The following KAZN variants were observed in gnomAD, a reference collection of about 807,000 sequenced individuals.
KAZN encodes kazrin, periplakin interacting protein.
A neutral mutation model predicts 87.4 loss-of-function variants in KAZN; 40 were observed. The ratio of observed to expected loss-of-function variants is 0.46; its 90% CI spans 0.36 to 0.60. The LOEUF is 0.60. Among genes scored for constraint, KAZN ranks in the 20% least tolerant of loss-of-function variants. The probability of loss-of-function intolerance (pLI) is 0.00; values close to 1 mark genes in which losing one functional copy is unlikely to be tolerated. For missense variants in KAZN, 898 were observed against 1,073.9 expected (o/e 0.84, Z 2.29); for synonymous variants, 466 against 458.3 (o/e 1.02, Z -0.22).
At chr1:14,845,533 AGGTGGATGGATGCATAGATGGGTG>A (rs1648638626) in intron 1 of KAZN, among the ~76,000 whole-genome samples, 2 of 136,482 alleles carry the variant, frequency 1.5e-5, no homozygotes, top group Admixed American at 7.3e-5. Context: ...ATGGGTAAGT[AGGTGGATGGATGCATAGATGGGTG>A]GGTGGATGGA....
intron 2 of KAZN, among the ~76,000 whole-genome samples, chr1:14,455,141 A>C (rs1032945448): frequency 1.3e-5 from 2 of 152,222 alleles, no homozygotes; most frequent in Non-Finnish European, 2.9e-5. Context: ...ATGACATCGC[A>C]ATGTGGGAGG....
At chr1:14,076,626 CCAGATGTCCTCTG>C (rs1643470776) in intron 1 of KAZN, among the ~76,000 whole-genome samples, 1 of 152,134 alleles carries the variant, frequency 6.6e-6, no homozygotes, top group Non-Finnish European at 1.5e-5. Flanking sequence ...CCAGATATGG[CCAGATGTCCTCTG>C]CAGGGCAAAA....
At chr1:15,035,583 C>A (rs951277328) in intron 3 of KAZN, among the ~76,000 whole-genome samples, 1 of 152,184 alleles carries the variant, frequency 6.6e-6, no homozygotes, top group African/African-American at 2.4e-5. Flanking sequence ...CACGGTGGCT[C>A]ACACCTGTAA....
intron 1 of KAZN, among the ~76,000 whole-genome samples, chr1:14,027,708 G>A (rs895439732): frequency 2.0e-5 from 3 of 152,154 alleles, no homozygotes; most frequent in African/African-American, 7.2e-5. Flanking sequence ...AATAAAAAAT[G>A]TAGCCAAAAT....
upstream of KAZN, among the ~76,000 whole-genome samples, chr1:14,598,015 C>G (rs1676618621): frequency 6.6e-6 from 1 of 152,222 alleles, no homozygotes; most frequent in Non-Finnish European, 1.5e-5. This position sits in a 1 kb window ranked among gnomAD's most constrained non-coding sequence, Gnocchi z 4.2. Flanking sequence ...TCAACCTCAT[C>G]TCTGTCCCCG....
chr1:13,934,923 G>T (rs1178695209), intron 1 of KAZN, among the ~76,000 whole-genome samples: 1 of 152,096 alleles, frequency 6.6e-6, no homozygotes, highest in African/African-American at 2.4e-5. Flanking sequence ...GAGATGAAAT[G>T]AAATTGAATT....
upstream of KAZN, among the ~76,000 whole-genome samples, chr1:14,596,665 T>G (rs1383228315): frequency 2.0e-5 from 3 of 152,372 alleles, no homozygotes; most frequent in East Asian, 5.8e-4. Context: ...ATGGATTTAT[T>G]TATTCTGGAT....
intron 2 of KAZN, among the ~76,000 whole-genome samples, chr1:15,031,587 G>GTTGTGTTGTGTTGTA (rs1671708400): frequency 2.0e-5 from 3 of 149,770 alleles, no homozygotes; most frequent in Admixed American, 2.0e-4. Context: ...GTTGTGTTGT[G>GTTGTGTTGTGTTGTA]TTGTGTTGTG....
chr1:14,534,104 G>T (rs183615584), intron 2 of KAZN, among the ~76,000 whole-genome samples: 1 of 152,042 alleles, frequency 6.6e-6, no homozygotes, highest in African/African-American at 2.4e-5. Context: ...GACCAAGGAC[G>T]GAGGTGCATC....
At chr1:14,574,390 G>A (rs1003184060) in intron 2 of KAZN, among the ~76,000 whole-genome samples, 2 of 152,158 alleles carry the variant, frequency 1.3e-5, no homozygotes, top group African/African-American at 2.4e-5. Flanking sequence ...TAATTCCCAC[G>A]TGTTGTGGGA....
chr1:14,021,256 GA>G (rs1182029954), intron 1 of KAZN, among the ~76,000 whole-genome samples: 1 of 152,166 alleles, frequency 6.6e-6, no homozygotes, highest in African/African-American at 2.4e-5. Context: ...CACGGTGGGG[GA>G]AAGTCCTCCC....
chr1:15,043,665 A>G (rs1447267445), intron 3 of KAZN, among the ~76,000 whole-genome samples: 3 of 114,276 alleles, frequency 2.6e-5, no homozygotes, highest in Non-Finnish European at 5.1e-5. Context: ...TTTTTTTGAG[A>G]CAGAGTCTCG....
chr1:13,973,269 G>A (rs1371847890), intron 1 of KAZN, among the ~76,000 whole-genome samples: 1 of 152,066 alleles, frequency 6.6e-6, no homozygotes, highest in African/African-American at 2.4e-5. Flanking sequence ...CACTGTGCTG[G>A]GTATTTCCCC....
At chr1:14,071,110 G>A (rs1002117762) in intron 1 of KAZN, among the ~76,000 whole-genome samples, 1 of 152,112 alleles carries the variant, frequency 6.6e-6, no homozygotes, top group Non-Finnish European at 1.5e-5. Context: ...CTGGATTGAA[G>A]CCCATGTGTA....
At chr1:14,875,362 G>A (rs1321768053) in intron 1 of KAZN, among the ~76,000 whole-genome samples, 10 of 22,518 alleles carry the variant, frequency 4.4e-4, no homozygotes, top group African/African-American at 1.7e-3. Flanking sequence ...AAAATTGTAA[G>A]ACATTTTATG....
chr1:14,063,422 ATTCAAAAT>A (rs1642873670), intron 1 of KAZN, among the ~76,000 whole-genome samples: 1 of 152,158 alleles, frequency 6.6e-6, no homozygotes, highest in African/African-American at 2.4e-5. Flanking sequence ...CTCTCCATTT[ATTCAAAAT>A]GGAGATCAAA....
At chr1:13,924,830 G>A (rs185224191) in intron 1 of KAZN, among the ~76,000 whole-genome samples, 33 of 152,240 alleles carry the variant, frequency 2.2e-4, no homozygotes, top group East Asian at 1.5e-3. Flanking sequence ...GGCACATGTC[G>A]TCAGGATCCC....
At chr1:14,517,615 C>T (rs868492334) in intron 2 of KAZN, among the ~76,000 whole-genome samples, 3 of 152,206 alleles carry the variant, frequency 2.0e-5, no homozygotes, top group Admixed American at 6.5e-5. Context: ...GACAACAAGT[C>T]GGGCTACAAT....
At chr1:13,912,706 C>T (rs545704788) in intron 1 of KAZN, among the ~76,000 whole-genome samples, 63 of 152,248 alleles carry the variant, frequency 4.1e-4, no homozygotes, top group African/African-American at 1.3e-3. Context: ...CAGGTTCAAG[C>T]GATTCTCCCA....
Sources: allele counts gnomAD v4.1 joint callset (sites outside exome capture counted in the v4.1 genomes callset), GRCh38; gene constraint gnomAD v4.1.1; non-coding constraint Gnocchi (gnomAD v3.1); transcripts MANE v1.5; gene names NCBI Gene and HGNC (gene_info 2026-07-23, HGNC 2026-07-21).